BCKDHB: variants seen among roughly 807,000 people sequenced by gnomAD.
BCKDHB encodes branched chain keto acid dehydrogenase E1 subunit beta.
A neutral mutation model predicts 48.5 loss-of-function variants in BCKDHB; 41 were observed. That is an observed-to-expected ratio of 0.85 (90% CI 0.66 to 1.10). BCKDHB has a LOEUF of 1.10. BCKDHB is among the 50% of genes least tolerant of loss of function. BCKDHB has a pLI of 0.00. For missense variants in BCKDHB, 496 were observed against 494.2 expected, an observed-to-expected ratio of 1.00 and a Z score of -0.03; for synonymous variants, 201 against 174.8, an observed-to-expected ratio of 1.15 and a Z score of -1.18.
Position 80,129,146 on chromosome 6 carries a change from A to T in BCKDHB, c.275-15A>T, listed in dbSNP as rs1770495842. ...ATTATTAAATAAAATGTATTATTTA[A>T]ATACTGTTTTTCAGTAATATTTGGT... On this transcript the variant is annotated splice_polypyrimidine_tract_variant and intron_variant, in intron 2 of 9. Transcript: ENST00000320393. 1 of 1,572,658 alleles carries T rather than the reference A, an allele frequency of 6.4e-7. No individual in the cohort carries two copies. Among genetic ancestry groups the T allele is most frequent in the Middle Eastern group, 1.8e-4 (1 of 5,674 alleles).
intron 6 of BCKDHB, among the ~76,000 whole-genome samples, chr6:80,192,894 C>CAGG (rs1486473004): frequency 6.6e-6 from 1 of 151,388 alleles, no homozygotes; most frequent in Non-Finnish European, 1.5e-5. Context: ...TCTCAGCTCA[C>CAGG]TGCAACCTCC....
At chr6:80,159,482 G>C (rs66560352) in intron 3 of BCKDHB, among the ~76,000 whole-genome samples, 3 of 151,942 alleles carry the variant, frequency 2.0e-5, no homozygotes, top group African/African-American at 4.8e-5. Flanking sequence ...TTAAATTTGC[G>C]TGCATATTCA....
chr6:80,346,369 G>A (rs1770200485), downstream of BCKDHB: 1 of 152,096 alleles, frequency 6.6e-6, no homozygotes, highest in African/African-American at 2.4e-5. Flanking sequence ...TTAAAGTACA[G>A]TATTCACTAT....
chr6:80,153,750 G>C (rs533613195), intron 3 of BCKDHB, among the ~76,000 whole-genome samples: 3 of 150,072 alleles, frequency 2.0e-5, no homozygotes, highest in Non-Finnish European at 4.4e-5. Flanking sequence ...CCTCAGATCA[G>C]CTCTGATTGA....
intron 6 of BCKDHB, among the ~76,000 whole-genome samples, chr6:80,175,276 G>A (rs1459252146): frequency 3.3e-5 from 5 of 152,162 alleles, no homozygotes; most frequent in Admixed American, 2.6e-4. Flanking sequence ...ATTAAATTTC[G>A]CTTCCCACGG....
At chr6:80,403,021 T>C in the BCKDHB span, among the ~76,000 whole-genome samples, 1 of 151,794 alleles carries the variant, frequency 6.6e-6, no homozygotes, top group African/African-American at 2.4e-5. Flanking sequence ...GTAACATAAT[T>C]TGGAATCAGA....
intron 6 of BCKDHB, among the ~76,000 whole-genome samples, chr6:80,179,207 T>TTTTTTGAGTTTTTGAGAAACTCAA (rs1415228150): frequency 1.3e-5 from 2 of 151,942 alleles, no homozygotes; most frequent in Non-Finnish European, 2.9e-5. Context: ...ATTTCTCAAT[T>TTTTTTGAGTTTTTGAGAAACTCAA]TTTTTGAGTT....
At chr6:80,223,177 G>A (rs1324123) in intron 8 of BCKDHB, among the ~76,000 whole-genome samples, 55,043 of 152,000 alleles carry the variant, frequency 0.36, 11,957 homozygotes, top group East Asian at 0.56. Flanking sequence ...TATAATTGAT[G>A]TTCCAAATTA....
At position 80,261,594 on chromosome 6, in the gene BCKDHB, C is replaced by T. The variant is rs117567144; in HGVS notation, c.952-11541C>T. Among the ~76,000 whole-genome samples the T allele has an allele frequency of 2.3e-3, 348 of 152,198 alleles. 5 individuals are homozygous for T. In the East Asian group the frequency reaches 0.035, roughly 15 times the overall value. ...AGTAGGGGAAGATACCACGAGAATA[C>T]ACGAATCCACCACTATCATGGGTCT... On this transcript the variant is annotated intron_variant, in intron 8 of 9. Transcript: ENST00000320393.
chr6:80,192,436 T>C (rs1253633611), intron 6 of BCKDHB, among the ~76,000 whole-genome samples: 1 of 152,204 alleles, frequency 6.6e-6, no homozygotes, highest in Non-Finnish European at 1.5e-5. Flanking sequence ...AGCTCCTTGC[T>C]ATAGAAAATG....
intron 9 of BCKDHB, among the ~76,000 whole-genome samples, chr6:80,304,273 G>C (rs1767738909): frequency 2.0e-5 from 3 of 151,994 alleles, no homozygotes; most frequent in Admixed American, 2.0e-4. Flanking sequence ...GTTGGGGTGG[G>C]GTAGAGATTG....
At chr6:80,338,703 T>G (rs1395018119) in intron 9 of BCKDHB, among the ~76,000 whole-genome samples, 1 of 152,198 alleles carries the variant, frequency 6.6e-6, no homozygotes, top group Non-Finnish European at 1.5e-5. Context: ...CTTGTGCTTA[T>G]TATAAATATG....
At chr6:80,169,959 A>G (rs1346088302) in intron 5 of BCKDHB, 29 of 1,365,968 alleles carry the variant, frequency 2.1e-5, no homozygotes, top group Middle Eastern at 2.3e-4. Context: ...TATTTATAAC[A>G]TTATATTGTT....
intron 9 of BCKDHB, among the ~76,000 whole-genome samples, chr6:80,280,719 G>A (rs888939526): frequency 2.6e-5 from 4 of 152,196 alleles, no homozygotes; most frequent in Admixed American, 6.5e-5. Flanking sequence ...TGCTTAATGC[G>A]TTTCTCAAAA....
chr6:80,222,465 T>G (rs1157807334), intron 8 of BCKDHB, among the ~76,000 whole-genome samples: 4 of 152,124 alleles, frequency 2.6e-5, no homozygotes, highest in African/African-American at 9.7e-5. Flanking sequence ...AAAGAAAGAC[T>G]CATTGCAAAA....
intron 3 of BCKDHB, among the ~76,000 whole-genome samples, chr6:80,147,258 CTTTCTGTGATT>C (rs1210085260): frequency 7.2e-5 from 11 of 152,118 alleles, no homozygotes; most frequent in Admixed American, 5.9e-4. Flanking sequence ...GAGACCTCAT[CTTTCTGTGATT>C]AAACCTGACA....
intron 9 of BCKDHB, among the ~76,000 whole-genome samples, chr6:80,309,036 G>A (rs1429913483): frequency 6.6e-6 from 1 of 151,222 alleles, no homozygotes; most frequent in Non-Finnish European, 1.5e-5. Flanking sequence ...TTTTGGGGTG[G>A]TCTACTATTA....
chr6:80,135,813 C>T (rs535523426), intron 3 of BCKDHB: 1 of 152,148 alleles, frequency 6.6e-6, no homozygotes, highest in African/African-American at 2.4e-5. Context: ...CTATAACCAT[C>T]TAACAATAAC....
At chr6:80,210,583 T>G (rs1053030120) in intron 8 of BCKDHB, among the ~76,000 whole-genome samples, 5 of 152,064 alleles carry the variant, frequency 3.3e-5, no homozygotes, top group Non-Finnish European at 7.4e-5. Flanking sequence ...TTGAACAAAA[T>G]TTTTAAAAAA....
Sources: allele counts gnomAD v4.1 joint callset (sites outside exome capture counted in the v4.1 genomes callset), GRCh38; gene constraint gnomAD v4.1.1; transcripts MANE v1.5; gene names NCBI Gene and HGNC (gene_info 2026-07-23, HGNC 2026-07-21).